The following ASCC1 variants were observed in gnomAD, a reference collection of about 807,000 sequenced individuals.
The protein encoded by ASCC1 is ASC-1 complex subunit P50.
A neutral mutation model predicts 46.6 loss-of-function variants in ASCC1; 35 were observed. The observed-to-expected ratio is 0.75, with a 90% CI of 0.57 to 0.99. ASCC1 has a LOEUF of 0.99. Among genes scored for constraint, ASCC1 ranks in the 50% least tolerant of loss-of-function variants. The pLI, the probability that ASCC1 is intolerant of heterozygous loss-of-function variation, is 0.00. For missense variants in ASCC1, 376 were observed against 428.7 expected, an observed-to-expected ratio of 0.88 and a Z score of 1.09; for synonymous variants, 143 against 146.6, an observed-to-expected ratio of 0.98 and a Z score of 0.18.
rs1367106888 is a variant in ASCC1 at position 72,128,642 on chromosome 10, C to T, written c.872-475G>A. ...GCTCTGGGTTGATTTAAGGGCTTCC[C>T]CCAGAGGAAAAAGAGCCCTTCAGTT... On this transcript the variant is annotated intron_variant, in intron 8 of 9. Coordinates refer to ENST00000672957, the MANE Select transcript of ASCC1 (RefSeq NM_001198800.3). Among the ~76,000 whole-genome samples, 4 of 152,230 alleles carry T rather than the reference C, an allele frequency of 2.6e-5. No individual in the cohort carries two copies. In the South Asian group the frequency reaches 8.3e-4, roughly 32 times the overall value.
intron 7 of ASCC1, among the ~76,000 whole-genome samples, chr10:72,150,342 C>T (rs1727073890): frequency 6.6e-6 from 1 of 152,070 alleles, no homozygotes; most frequent in African/African-American, 2.4e-5. Flanking sequence ...TAACAGAAAC[C>T]TTATAAGAAA....
intron 6 of ASCC1, among the ~76,000 whole-genome samples, chr10:72,155,774 C>A (rs532922239): frequency 6.6e-6 from 1 of 152,250 alleles, no homozygotes; most frequent in African/African-American, 2.4e-5. Context: ...CCAGAAAAGG[C>A]CTTGTTGTGC....
Position 72,213,564 on chromosome 10 carries a change from A to AC in ASCC1, c.-33-234dup, listed in dbSNP as rs200273847. 0.049 allele frequency among the ~76,000 whole-genome samples: 5,516 copies of AC among 111,486 alleles called. 120 individuals carry two copies. The highest frequency in any genetic ancestry group is 0.083 in the Middle Eastern group (18 of 216). The allele number at this position is 111,486 out of a possible 152,430, so 73.1% of individuals were successfully genotyped here. On this transcript the variant is annotated intron_variant, in intron 1 of 9. Transcript: ENST00000672957. ...CAAAGTAATTTGTAAACTATTTATC[A>AC]CCCCCCCCCCAAAAATGATTAAAAG...
intron 7 of ASCC1, among the ~76,000 whole-genome samples, chr10:72,139,152 T>G (rs565093430): frequency 6.6e-6 from 1 of 150,558 alleles, no homozygotes; most frequent in East Asian, 1.9e-4. Context: ...CTCACTCTGT[T>G]GCCCAGTCTG....
chr10:72,211,543 C>T (rs2133505442), intron 2 of ASCC1, among the ~76,000 whole-genome samples: 1 of 152,094 alleles, frequency 6.6e-6, no homozygotes, highest in African/African-American at 2.4e-5. Flanking sequence ...GAACCAAGGT[C>T]GTGCCACTGC....
At chr10:72,165,265 C>T (rs547781137) in intron 5 of ASCC1, among the ~76,000 whole-genome samples, 1 of 152,106 alleles carries the variant, frequency 6.6e-6, no homozygotes, top group South Asian at 2.1e-4. Context: ...GACAGGCATG[C>T]GCCACCATGC....
intron 9 of ASCC1, among the ~76,000 whole-genome samples, chr10:72,111,088 C>G (rs1317561021): frequency 6.6e-6 from 1 of 152,192 alleles, no homozygotes; most frequent in Admixed American, 6.5e-5. Flanking sequence ...CCTCCTTCCC[C>G]TCTGCAAAGG....
chr10:72,105,195 C>T (rs1448067035), intron 9 of ASCC1, among the ~76,000 whole-genome samples: 1 of 152,212 alleles, frequency 6.6e-6, no homozygotes, highest in Non-Finnish European at 1.5e-5. Context: ...TGGCAGAGGG[C>T]AGCCACCCCA....
intron 9 of ASCC1, among the ~76,000 whole-genome samples, chr10:72,097,742 T>G (rs942044996): frequency 5.9e-5 from 9 of 152,238 alleles, no homozygotes; most frequent in Admixed American, 4.6e-4. Context: ...TGACCAGATA[T>G]GACCAAGAAC....
intron 5 of ASCC1, among the ~76,000 whole-genome samples, chr10:72,192,805 T>C (rs1365282090): frequency 6.6e-6 from 1 of 152,104 alleles, no homozygotes; most frequent in Non-Finnish European, 1.5e-5. Context: ...AACAACCCAA[T>C]TGTAAAACAG....
At chr10:72,211,032 A>G (rs966663840) in intron 2 of ASCC1, among the ~76,000 whole-genome samples, 1 of 152,224 alleles carries the variant, frequency 6.6e-6, no homozygotes, top group Non-Finnish European at 1.5e-5. Flanking sequence ...AAAAAAACAC[A>G]TAATGACTAT....
chr10:72,167,794 C>T (rs1422270949), intron 5 of ASCC1, among the ~76,000 whole-genome samples: 1 of 152,002 alleles, frequency 6.6e-6, no homozygotes, highest in Non-Finnish European at 1.5e-5. Context: ...CATCACCACA[C>T]CTAGCTAATT....
chr10:72,124,241 C>T (rs1029211605), intron 9 of ASCC1, among the ~76,000 whole-genome samples: 1 of 152,106 alleles, frequency 6.6e-6, no homozygotes, highest in Admixed American at 6.5e-5. Context: ...TTAAAAGATT[C>T]TTATATATAA....
chr10:72,111,197 T>C (rs991243482), intron 9 of ASCC1, among the ~76,000 whole-genome samples: 4 of 151,846 alleles, frequency 2.6e-5, no homozygotes, highest in Admixed American at 6.6e-5. Context: ...ATTTAAGAAA[T>C]TGGTATCAGG....
chr10:72,198,918 G>C (rs1328777743), intron 4 of ASCC1, among the ~76,000 whole-genome samples: 1 of 143,542 alleles, frequency 7.0e-6, no homozygotes, highest in Admixed American at 7.0e-5. Flanking sequence ...CCAGGTTCAA[G>C]CGATTCTCCT....
intron 5 of ASCC1, among the ~76,000 whole-genome samples, chr10:72,182,827 AAGAG>A (rs536612512): frequency 2.7e-5 from 4 of 148,774 alleles, no homozygotes; most frequent in Non-Finnish European, 4.4e-5. Context: ...AAAAAAAAAA[AAGAG>A]AGAGAGAGAC....
At chr10:72,155,640 T>C (rs1848863628) in intron 6 of ASCC1, among the ~76,000 whole-genome samples, 1 of 152,224 alleles carries the variant, frequency 6.6e-6, no homozygotes, top group Non-Finnish European at 1.5e-5. Context: ...AAAATGATAT[T>C]TTATTTTTGT....
At chr10:72,108,878 C>CT (rs35448144) in intron 9 of ASCC1, among the ~76,000 whole-genome samples, 2 of 152,200 alleles carry the variant, frequency 1.3e-5, no homozygotes, top group Admixed American at 1.3e-4. Flanking sequence ...ATCAGGTACT[C>CT]TGACAGCTTA....
At chr10:72,114,998 T>C (rs1843341895) in intron 9 of ASCC1, among the ~76,000 whole-genome samples, 1 of 152,160 alleles carries the variant, frequency 6.6e-6, no homozygotes, top group African/African-American at 2.4e-5. Context: ...AGTACAGTAT[T>C]CTTCTTTTGA....
Sources: allele counts gnomAD v4.1 joint callset (sites outside exome capture counted in the v4.1 genomes callset), GRCh38; gene constraint gnomAD v4.1.1; transcripts MANE v1.5; gene names NCBI Gene and HGNC (gene_info 2026-07-23, HGNC 2026-07-21).